The following CD247 variants were observed in gnomAD, a reference collection of about 807,000 sequenced individuals.
CD247 encodes the protein T-cell surface glycoprotein CD3 zeta chain.
Under a neutral mutation model 30.0 loss-of-function variants are expected in CD247, and 13 were observed. The ratio of observed to expected loss-of-function variants is 0.43; its 90% CI spans 0.28 to 0.69. CD247 has a LOEUF of 0.69. CD247 is among the 30% of genes least tolerant of loss of function. The probability of loss-of-function intolerance (pLI) is 0.16; values close to 1 mark genes in which losing one functional copy is unlikely to be tolerated. For missense variants in CD247, 193 were observed against 212.6 expected, an observed-to-expected ratio of 0.91 and a Z score of 0.57; for synonymous variants, 72 against 80.0, an observed-to-expected ratio of 0.90 and a Z score of 0.53.
intron 1 of CD247, among the ~76,000 whole-genome samples, chr1:167,516,076 T>C (rs1034758243): frequency 5.9e-5 from 9 of 152,240 alleles, no homozygotes; most frequent in African/African-American, 2.2e-4. Context: ...CCTGGCTCTT[T>C]CTACCACGTC....
At chr1:167,489,380 A>G (rs1442234333) in intron 1 of CD247, among the ~76,000 whole-genome samples, 2 of 152,158 alleles carry the variant, frequency 1.3e-5, no homozygotes. Flanking sequence ...TTAATTAAAG[A>G]TTTCCTGCCT....
intron 1 of CD247, among the ~76,000 whole-genome samples, chr1:167,509,369 C>CAAAAAAAA (rs35004744): frequency 3.1e-5 from 2 of 63,840 alleles, no homozygotes; most frequent in Admixed American, 1.8e-4. Flanking sequence ...AACTCTGTCT[C>CAAAAAAAA]AAAAAAAAAA....
At chr1:167,513,924 T>A (rs1029913034) in intron 1 of CD247, among the ~76,000 whole-genome samples, 1 of 152,204 alleles carries the variant, frequency 6.6e-6, no homozygotes, top group African/African-American at 2.4e-5. Flanking sequence ...TCACTCAAAC[T>A]GCCCTGTCCC....
chr1:167,499,884 C>G (rs1336353935), intron 1 of CD247, among the ~76,000 whole-genome samples: 1 of 152,174 alleles, frequency 6.6e-6, no homozygotes, highest in Non-Finnish European at 1.5e-5. Flanking sequence ...CCCACACATC[C>G]CCGAGGGCTG....
chr1:167,441,717 C>T (rs1375824639), intron 1 of CD247, among the ~76,000 whole-genome samples: 1 of 152,232 alleles, frequency 6.6e-6, no homozygotes, highest in African/African-American at 2.4e-5. Context: ...CCATATTAAC[C>T]TTTGTCAAGC....
At chr1:167,497,636 T>C (rs1161196257) in intron 1 of CD247, among the ~76,000 whole-genome samples, 1 of 152,134 alleles carries the variant, frequency 6.6e-6, no homozygotes, top group Non-Finnish European at 1.5e-5. Context: ...AGATATAGGA[T>C]GAGGATGCAT....
At chr1:167,482,376 A>G (rs1183500710) in intron 1 of CD247, among the ~76,000 whole-genome samples, 3 of 152,238 alleles carry the variant, frequency 2.0e-5, no homozygotes, top group Non-Finnish European at 4.4e-5. Context: ...GCTGCTTGAG[A>G]GTCAAGGCAG....
chr1:167,431,337 T>C lies in CD247; in HGVS notation c.*344A>G. On this transcript the variant is annotated 3_prime_UTR_variant, in exon 8 of 8. Transcript: ENST00000362089. ...CATGTGCTAGCATCTGCGCTTTCTC[T>C]GGGGACTTTACAAAACAGACTCAAC... 2 of 592,244 alleles carry C rather than the reference T, an allele frequency of 3.4e-6. No individual in the cohort carries two copies. Among genetic ancestry groups the C allele is most frequent in the East Asian group, 2.8e-5 (1 of 36,286 alleles). The allele number at this position is 592,244 out of a possible 1,614,324, so 36.7% of individuals were successfully genotyped here.
intron 1 of CD247, among the ~76,000 whole-genome samples, chr1:167,488,419 G>A (rs528589446): frequency 5.1e-4 from 77 of 152,334 alleles, no homozygotes; most frequent in African/African-American, 1.8e-3. Context: ...GGGCATTTAT[G>A]CCAAGGAGCA....
At position 167,467,601 on chromosome 1, in the gene CD247, C is replaced by A. The variant is rs146488727; in HGVS notation, c.59-26834G>T. On this transcript the variant is annotated intron_variant, in intron 1 of 7. Transcript: ENST00000362089. The stretch of plus-strand genomic sequence containing the variant: ...AGAGCACAGCCCTAAGCGTTGGGGG[C>A]TGGCTGTTAAGAGCAGCCTCTCCTT... Among the ~76,000 whole-genome samples, 270 of 152,298 alleles carry A rather than the reference C, an allele frequency of 1.8e-3. 1 individual carries two copies. The highest frequency in any genetic ancestry group is 9.8e-3 in the East Asian group (51 of 5,182).
intron 1 of CD247, among the ~76,000 whole-genome samples, chr1:167,497,753 C>A (rs956040138): frequency 6.6e-6 from 1 of 152,188 alleles, no homozygotes; most frequent in Non-Finnish European, 1.5e-5. Context: ...TCAAGGGGAA[C>A]CTAACCCTAT....
chr1:167,449,011 T>C (rs1456017537), intron 1 of CD247, among the ~76,000 whole-genome samples: 1 of 152,152 alleles, frequency 6.6e-6, no homozygotes, highest in African/African-American at 2.4e-5. Flanking sequence ...TAGATAAGGG[T>C]TCCAAGGGAA....
intron 1 of CD247, among the ~76,000 whole-genome samples, chr1:167,488,587 C>T (rs863455): frequency 0.29 from 43,587 of 151,954 alleles, 7,082 homozygotes; most frequent in East Asian, 0.64. Context: ...TGAGGGGAAC[C>T]GGATATTGAA....
intron 1 of CD247, among the ~76,000 whole-genome samples, chr1:167,445,841 C>T (rs1047865979): frequency 3.3e-5 from 5 of 152,164 alleles, no homozygotes; most frequent in Admixed American, 1.3e-4. Flanking sequence ...AATCCTGTTT[C>T]GGAGCTGGGC....
At position 167,431,070 on chromosome 1, in the gene CD247, C is replaced by T. The variant is rs1571502380; in HGVS notation, c.*611G>A. ...CACAGAGGCCTGAGGCAGGGAGGCT[C>T]CCGCTGCCCTCGCAGGCCCTGGCTG... On this transcript the variant is annotated 3_prime_UTR_variant, in exon 8 of 8. Transcript: ENST00000362089. 2 of 424,546 alleles carry T rather than the reference C, an allele frequency of 4.7e-6. No individual in the cohort carries two copies. The highest frequency in any genetic ancestry group is 8.3e-6 in the Non-Finnish European group (2 of 240,538). The allele number at this position is 424,546 out of a possible 1,614,324, so 26.3% of individuals were successfully genotyped here. A position where few individuals can be genotyped will look rare whatever the true frequency, so the allele number is the denominator to read the frequency against.
intron 1 of CD247, among the ~76,000 whole-genome samples, chr1:167,518,190 T>C (rs1285732841): frequency 6.6e-6 from 1 of 152,142 alleles, no homozygotes; most frequent in Admixed American, 6.5e-5. Context: ...AGCTGTGTAT[T>C]CTAGCAGCTG....
At chr1:167,462,153 C>T (rs1378659603) in intron 1 of CD247, among the ~76,000 whole-genome samples, 3 of 152,218 alleles carry the variant, frequency 2.0e-5, no homozygotes, top group Non-Finnish European at 4.4e-5. Context: ...CAGGCCCTCT[C>T]CCCACCTGGC....
In CD247 at chr1:167,450,057, G is replaced by A. The variant is rs1024571876; in HGVS notation, c.59-9290C>T. 4.1e-4 allele frequency among the ~76,000 whole-genome samples: 63 copies of A among 152,074 alleles called. 1 individual carries two copies. Among genetic ancestry groups the A allele is most frequent in the Admixed American group, 4.1e-3 (63 of 15,284 alleles). On this transcript the variant is annotated intron_variant, in intron 1 of 7. Coordinates refer to ENST00000362089, the MANE Select transcript of CD247 (RefSeq NM_198053.3). ...ACTATTAATAAATATCCTTTTTAAA[G>A]GTTGCCTAATAAGCTTTCCACTATC...
At chr1:167,455,272 T>C (rs1395912437) in intron 1 of CD247, among the ~76,000 whole-genome samples, 5 of 152,232 alleles carry the variant, frequency 3.3e-5, no homozygotes, top group African/African-American at 9.6e-5. Flanking sequence ...CTCTCCGCCC[T>C]GGCCTCCCCG....
Sources: allele counts gnomAD v4.1 joint callset (sites outside exome capture counted in the v4.1 genomes callset), GRCh38; gene constraint gnomAD v4.1.1; transcripts MANE v1.5; gene names NCBI Gene and HGNC (gene_info 2026-07-23, HGNC 2026-07-21).